The following RAP1GAP2 variants were observed in gnomAD, a reference collection of about 807,000 sequenced individuals.
RAP1GAP2 encodes rap1 GTPase-activating protein 2.
In RAP1GAP2, 27 loss-of-function variants were observed where a neutral mutation model predicts 95.0. That is an observed-to-expected ratio of 0.28 (90% CI 0.21 to 0.39). RAP1GAP2 has a LOEUF of 0.39. RAP1GAP2 is among the 10% of genes least tolerant of loss of function. The pLI is 1.00. For missense variants in RAP1GAP2, 771 were observed against 970.0 expected (o/e 0.79, Z 2.72); for synonymous variants, 373 against 380.9 (o/e 0.98, Z 0.24).
At position 3,003,638 on chromosome 17, in the gene RAP1GAP2, G is replaced by C. The variant is rs906381508; in HGVS notation, c.1201-1731G>C. ...CTCCTTCCTCCTTCCAGCCATGCAG[G>C]TCCCTTCCCCAGAGTCACCTGCATC... On this transcript the variant is annotated intron_variant, in intron 14 of 24. Coordinates refer to ENST00000254695, the MANE Select transcript of RAP1GAP2 (RefSeq NM_015085.5). The surrounding 1 kb of genome is among the most constrained non-coding windows in gnomAD (Gnocchi z 4.1). 6.6e-6 allele frequency among the ~76,000 whole-genome samples: 1 copy of C among 152,100 alleles called. No homozygotes were observed. Among genetic ancestry groups the C allele is most frequent in the Non-Finnish European group, 1.5e-5 (1 of 68,024 alleles).
chr17:2,762,019 T>G lies in RAP1GAP2; in HGVS notation c.50+6252T>G, dbSNP rs938299301. Among the ~76,000 whole-genome samples, 5 of 144,468 alleles carry G rather than the reference T, an allele frequency of 3.5e-5. No individual in the cohort carries two copies. The Admixed American group carries it at 3.5e-4, about 10-fold the overall frequency. The allele number at this position is 144,468 out of a possible 152,430, so 94.8% of individuals were successfully genotyped here. A position where few individuals can be genotyped will look rare whatever the true frequency, so the allele number is the denominator to read the frequency against. The stretch of plus-strand genomic sequence containing the variant: ...TTTTTTTTTTTTTGAGACGGAGTCT[T>G]GCTCTGTTGCCCATGCTGGAGCACA... On this transcript the variant is annotated intron_variant, in intron 1 of 25. Coordinates refer to the RAP1GAP2 transcript ENST00000637138.
rs1265837008 is a variant in RAP1GAP2, at chr17:2,965,354, C to A, written c.493-186C>A. On this transcript the variant is annotated intron_variant, in intron 7 of 24. Coordinates refer to ENST00000254695, the MANE Select transcript of RAP1GAP2 (RefSeq NM_015085.5). The surrounding 1 kb of genome is among the most constrained non-coding windows in gnomAD (Gnocchi z 4.7). The stretch of plus-strand genomic sequence containing the variant: ...GAGATAGTGGGTATTAAGCCCCTGG[C>A]ACGGTGCCTGGCGCCTCCTGAGGAT... 1 of 599,360 alleles carries A rather than the reference C, an allele frequency of 1.7e-6. No homozygotes were observed. Among genetic ancestry groups the A allele is most frequent in the East Asian group, 2.8e-5 (1 of 35,678 alleles). 37.1% of individuals were successfully genotyped at this position (599,360 alleles called of 1,614,324 possible).
chr17:3,018,100 G>C lies in RAP1GAP2; in HGVS notation c.1534G>C (p.Val512Leu), dbSNP rs960146538. 1 of 1,592,070 alleles carries C rather than the reference G, an allele frequency of 6.3e-7. No individual in the cohort carries two copies. The highest frequency in any genetic ancestry group is 8.5e-7 in the Non-Finnish European group (1 of 1,169,758). Reference protein sequence around the residue: ...RVRSHSMETMVGGQKKSHSGG... With the variant: ...RVRSHSMETMLGGQKKSHSGG... ...ACGCAGCCACTCCATGGAGACCATG[G>C]TGGGCGGCCAGAAGAAGTCGCACAG... is the stretch of plus-strand genomic sequence containing the variant. Residue 512 changes from valine (V) to leucine (L), a missense_variant, in exon 18 of 25, where the codon GTG becomes CTG. By Grantham distance (32) the Val-to-Leu change is conservative. Coordinates refer to ENST00000254695, the MANE Select transcript of RAP1GAP2 (RefSeq NM_015085.5).
chr17:2,891,823 T>C lies in RAP1GAP2; in HGVS notation c.81-13461T>C, dbSNP rs1045362604. Among the ~76,000 whole-genome samples the C allele has an allele frequency of 1.6e-3, 188 of 114,546 alleles. 1 individual carries two copies. The highest frequency in any genetic ancestry group is 2.8e-3 in the South Asian group (9 of 3,246). 75.1% of individuals were successfully genotyped at this position (114,546 alleles called of 152,430 possible). A position where few individuals can be genotyped will look rare whatever the true frequency, so the allele number is the denominator to read the frequency against. On this transcript the variant is annotated intron_variant, in intron 2 of 24. Transcript: ENST00000254695. The stretch of plus-strand genomic sequence containing the variant: ...GATTCATATTTCTTTTCTTTTTTTT[T>C]TTTTTTTTTTTTTTTTTGAGACAGA...
At position 2,904,530 on chromosome 17, in the gene RAP1GAP2, C is replaced by CTTTG. The variant is rs1555565310; in HGVS notation, c.81-753_81-752insTTGT. ...CCGAGGACAGCTTTTTGACCAGGGC[C>CTTTG]TGTGTGTGTGTGTGTGTGTGTGTGT... On this transcript the variant is annotated intron_variant, in intron 2 of 24. Transcript: ENST00000254695. This position sits in a 1 kb window ranked among gnomAD's most constrained non-coding sequence, Gnocchi z 4.7. Among the ~76,000 whole-genome samples the CTTTG allele has an allele frequency of 1.2e-3, 157 of 129,160 alleles. No homozygotes were observed. Among genetic ancestry groups the CTTTG allele is most frequent in the African/African-American group, 4.3e-3 (151 of 35,124 alleles). 84.7% of individuals were successfully genotyped at this position (129,160 alleles called of 152,430 possible). A position where few individuals can be genotyped will look rare whatever the true frequency, so the allele number is the denominator to read the frequency against.
intron 3 of RAP1GAP2, among the ~76,000 whole-genome samples, chr17:2,923,240 A>G (rs989765259): frequency 6.6e-5 from 10 of 151,776 alleles, no homozygotes; most frequent in African/African-American, 2.4e-5. Flanking sequence ...GGGTTTCACC[A>G]TGTCGGCCAG....
intron 1 of RAP1GAP2, among the ~76,000 whole-genome samples, chr17:2,768,143 G>T: frequency 6.6e-6 from 1 of 152,138 alleles, no homozygotes; most frequent in East Asian, 1.9e-4. Context: ...AGCAAGCATT[G>T]TCCACTTGCT....
chr17:2,890,575 C>A (rs1179140062), intron 2 of RAP1GAP2, among the ~76,000 whole-genome samples: 3 of 152,032 alleles, frequency 2.0e-5, no homozygotes, highest in Non-Finnish European at 4.4e-5. Context: ...GACGGGGCTC[C>A]TTTTCTTCTT....
intron 1 of RAP1GAP2, among the ~76,000 whole-genome samples, chr17:2,762,286 C>G (rs768634734): frequency 6.6e-6 from 1 of 151,842 alleles, no homozygotes; most frequent in Admixed American, 6.6e-5. Context: ...TGCGCCTGGC[C>G]GTCCATTTAT....
intron 3 of RAP1GAP2, among the ~76,000 whole-genome samples, chr17:2,921,019 C>T (rs2042747826): frequency 6.6e-6 from 1 of 152,010 alleles, no homozygotes; most frequent in Non-Finnish European, 1.5e-5. Context: ...CAGTGGGTTC[C>T]TCCTGTGTGT....
chr17:2,932,211 G>A (rs2043177956), intron 3 of RAP1GAP2, among the ~76,000 whole-genome samples: 2 of 152,164 alleles, frequency 1.3e-5, no homozygotes, highest in African/African-American at 4.8e-5. Flanking sequence ...GGGATGGGAC[G>A]CTGTGTTTTC....
chr17:2,975,646 C>G (rs2045079160), intron 8 of RAP1GAP2, among the ~76,000 whole-genome samples: 1 of 152,238 alleles, frequency 6.6e-6, no homozygotes, highest in Admixed American at 6.5e-5. Context: ...ACGTGTGTAG[C>G]TGTGTTCCTT....
chr17:2,982,534 T>TG (rs1230075745), intron 10 of RAP1GAP2, among the ~76,000 whole-genome samples: 2 of 152,218 alleles, frequency 1.3e-5, no homozygotes, highest in African/African-American at 2.4e-5. Context: ...AGTCCTTTCC[T>TG]GCACAGAGCC....
chr17:2,935,655 G>A (rs1036497918), intron 3 of RAP1GAP2, among the ~76,000 whole-genome samples: 12 of 152,126 alleles, frequency 7.9e-5, no homozygotes, highest in Non-Finnish European at 1.5e-4. Context: ...GACATTTGTC[G>A]TTCGATCACT....
chr17:2,844,749 T>A (rs1352184268), intron 2 of RAP1GAP2, among the ~76,000 whole-genome samples: 1 of 152,162 alleles, frequency 6.6e-6, no homozygotes. Flanking sequence ...GAAACTGTCG[T>A]TGGCTAAGCC....
intron 2 of RAP1GAP2, among the ~76,000 whole-genome samples, chr17:2,889,878 TATATATATA>T (rs1179936315): frequency 5.0e-5 from 4 of 80,266 alleles, no homozygotes; most frequent in Non-Finnish European, 6.9e-5. Context: ...TATATATATA[TATATATATA>T]TATTTTTTTT....
At chr17:2,879,857 G>T (rs1037403103) in intron 2 of RAP1GAP2, among the ~76,000 whole-genome samples, 1 of 152,044 alleles carries the variant, frequency 6.6e-6, no homozygotes, top group African/African-American at 2.4e-5. Context: ...TTCCTCCTGA[G>T]CCCTACTGTA....
At chr17:2,789,976 A>G (rs1418579686) in intron 1 of RAP1GAP2, among the ~76,000 whole-genome samples, 2 of 152,120 alleles carry the variant, frequency 1.3e-5, no homozygotes, top group South Asian at 4.1e-4. Context: ...TGTGGACTGT[A>G]AATCACTATG....
intron 3 of RAP1GAP2, among the ~76,000 whole-genome samples, chr17:2,928,001 A>G (rs2043023360): frequency 6.6e-6 from 1 of 152,210 alleles, no homozygotes; most frequent in South Asian, 2.1e-4. Context: ...GACATAGCAC[A>G]CACGCTGCAG....
Sources: gnomAD v4.1 joint callset for allele counts (sites outside exome capture counted in the v4.1 genomes callset) on GRCh38, gnomAD v4.1.1 for gene constraint, Gnocchi (gnomAD v3.1) non-coding constraint, MANE v1.5 for transcripts, NCBI Gene and HGNC (gene_info 2026-07-23, HGNC 2026-07-21) for gene names.